FHIT: variants seen among roughly 807,000 people sequenced by gnomAD.
FHIT encodes bis(5'-adenosyl)-triphosphatase.
In FHIT, 19 loss-of-function variants were observed where a neutral mutation model predicts 17.9. The observed-to-expected ratio is 1.06, with a 90% CI of 0.74 to 1.56. The LOEUF (loss-of-function observed/expected upper bound fraction) is 1.56, where lower values mean the gene tolerates loss of function less well. Ranked by LOEUF, FHIT falls within the 40% of genes most tolerant of loss-of-function variation. The probability of loss-of-function intolerance (pLI) is 0.00; values close to 1 mark genes in which losing one functional copy is unlikely to be tolerated. For synonymous variants in FHIT, 81 were observed against 69.7 expected, an observed-to-expected ratio of 1.16 and a Z score of -0.81; for missense variants, 248 against 189.2, an observed-to-expected ratio of 1.31 and a Z score of -1.82.
intron 8 of FHIT, among the ~76,000 whole-genome samples, chr3:59,918,420 G>A (rs1261760808): frequency 1.3e-5 from 2 of 152,156 alleles, no homozygotes; most frequent in Admixed American, 6.5e-5. Flanking sequence ...AGAGGGGACA[G>A]AGGATTAACT....
intron 5 of FHIT, among the ~76,000 whole-genome samples, chr3:60,258,335 C>T (rs1441789848): frequency 6.6e-6 from 1 of 152,104 alleles, no homozygotes; most frequent in African/African-American, 2.4e-5. Context: ...CCATCTCCAT[C>T]GTTCCTCAGG....
chr3:60,154,275 C>T (rs1373905127), intron 5 of FHIT, among the ~76,000 whole-genome samples: 2 of 152,196 alleles, frequency 1.3e-5, no homozygotes, highest in African/African-American at 4.8e-5. Context: ...GCATTCCTTC[C>T]TTGACCTACA....
chr3:60,365,507 C>T (rs1189071151), intron 5 of FHIT, among the ~76,000 whole-genome samples: 1 of 152,126 alleles, frequency 6.6e-6, no homozygotes, highest in African/African-American at 2.4e-5. Flanking sequence ...CCTAAATAGC[C>T]TAATGACTCA....
chr3:60,899,563 A>G (rs2107216213), intron 3 of FHIT, among the ~76,000 whole-genome samples: 1 of 152,310 alleles, frequency 6.6e-6, no homozygotes, highest in South Asian at 2.1e-4. Flanking sequence ...TCAGCAAATA[A>G]AGGAAACCTG....
intron 3 of FHIT, among the ~76,000 whole-genome samples, chr3:60,984,000 GA>G (rs1317132593): frequency 2.6e-5 from 4 of 152,304 alleles, no homozygotes; most frequent in Non-Finnish European, 4.4e-5. Flanking sequence ...ATGAATTTCA[GA>G]AAGTGAAAAA....
intron 4 of FHIT, among the ~76,000 whole-genome samples, chr3:60,651,947 C>A (rs1403146759): frequency 1.3e-5 from 2 of 152,138 alleles, no homozygotes; most frequent in Non-Finnish European, 1.5e-5. Context: ...TGCAAAAGTG[C>A]AAACTCATAA....
intron 4 of FHIT, among the ~76,000 whole-genome samples, chr3:60,594,435 G>A (rs185369735): frequency 6.6e-6 from 1 of 152,084 alleles, no homozygotes; most frequent in Non-Finnish European, 1.5e-5. Flanking sequence ...GGCCCCAAAT[G>A]GTTGGTACTT....
chr3:60,396,559 G>A (rs970422916), intron 5 of FHIT, among the ~76,000 whole-genome samples: 1 of 152,098 alleles, frequency 6.6e-6, no homozygotes, highest in Admixed American at 6.6e-5. Context: ...TTAATATATT[G>A]TACGATTCCA....
Position 61,122,336 on chromosome 3 carries a change from C to A in FHIT, c.-164+78281G>T, listed in dbSNP as rs2036482998. The stretch of plus-strand genomic sequence containing the variant: ...ACTGAAACTGGACCCCTTCCTTACA[C>A]CTTATACAAAAATTAACTCAAGATG... On this transcript the variant is annotated intron_variant, in intron 2 of 9. Transcript: ENST00000492590. Among the ~76,000 whole-genome samples, 3 of 152,298 alleles carry A rather than the reference C, an allele frequency of 2.0e-5. No homozygotes were observed. In the South Asian group the frequency reaches 6.2e-4, roughly 32 times the overall value.
chr3:60,281,212 T>C (rs1050293150), intron 5 of FHIT, among the ~76,000 whole-genome samples: 2 of 152,076 alleles, frequency 1.3e-5, no homozygotes, highest in African/African-American at 4.8e-5. Context: ...AATAAACGAA[T>C]AGATATTCTG....
chr3:59,970,881 G>T (rs1167939019), intron 7 of FHIT, among the ~76,000 whole-genome samples: 11 of 149,052 alleles, frequency 7.4e-5, no homozygotes, highest in Admixed American at 5.4e-4. Flanking sequence ...TTCAATCAGG[G>T]TTTAACCGGT....
intron 5 of FHIT, among the ~76,000 whole-genome samples, chr3:60,188,459 G>C (rs183546041): frequency 6.6e-6 from 1 of 152,042 alleles, no homozygotes; most frequent in Non-Finnish European, 1.5e-5. Context: ...GTTTAAATTG[G>C]ATTCAATGTG....
chr3:60,843,466 C>G (rs1261386752), intron 3 of FHIT, among the ~76,000 whole-genome samples: 1 of 152,128 alleles, frequency 6.6e-6, no homozygotes, highest in Non-Finnish European at 1.5e-5. Flanking sequence ...TTTCTATGAT[C>G]CTAACCAAAA....
At chr3:59,971,381 A>T (rs1007034691) in intron 7 of FHIT, among the ~76,000 whole-genome samples, 2 of 152,120 alleles carry the variant, frequency 1.3e-5, no homozygotes, top group Non-Finnish European at 2.9e-5. Flanking sequence ...TGAGGATTCC[A>T]TTGTGTCCAG....
intron 5 of FHIT, among the ~76,000 whole-genome samples, chr3:60,503,016 A>T (rs897569626): frequency 3.3e-5 from 5 of 152,222 alleles, no homozygotes; most frequent in Admixed American, 3.3e-4. Flanking sequence ...CTCAGAAGCA[A>T]CAAAACAACG....
intron 4 of FHIT, among the ~76,000 whole-genome samples, chr3:60,665,595 G>GT (rs1470185580): frequency 2.0e-5 from 3 of 151,924 alleles, no homozygotes; most frequent in Non-Finnish European, 2.9e-5. Flanking sequence ...AAGCACTCCT[G>GT]TTTTTTTAAA....
chr3:60,942,725 C>T (rs1700191528), intron 3 of FHIT, among the ~76,000 whole-genome samples: 2 of 151,842 alleles, frequency 1.3e-5, no homozygotes, highest in African/African-American at 4.8e-5. Flanking sequence ...TGTATTATTC[C>T]TTCCCTCTAC....
At chr3:60,296,392 A>G (rs1376890251) in intron 5 of FHIT, among the ~76,000 whole-genome samples, 5 of 151,986 alleles carry the variant, frequency 3.3e-5, no homozygotes, top group Admixed American at 3.3e-4. Context: ...CGATATCTCA[A>G]CGTGGTTTTA....
chr3:59,808,932 T>G (rs1700308048), intron 8 of FHIT, among the ~76,000 whole-genome samples: 1 of 151,994 alleles, frequency 6.6e-6, no homozygotes, highest in Non-Finnish European at 1.5e-5. Flanking sequence ...GCATTGTGCT[T>G]GAAAAACTAT....
Sources: allele counts gnomAD v4.1 joint callset (sites outside exome capture counted in the v4.1 genomes callset), GRCh38; gene constraint gnomAD v4.1.1; transcripts MANE v1.5; gene names NCBI Gene and HGNC (gene_info 2026-07-23, HGNC 2026-07-21).